Variants in AKR1B1 observed in about 807,000 individuals in gnomAD.
AKR1B1 encodes the protein aldo-keto reductase family 1 member B.
A neutral mutation model predicts 40.4 loss-of-function variants in AKR1B1; 22 were observed. The ratio of observed to expected loss-of-function variants is 0.54; its 90% CI spans 0.39 to 0.78. The LOEUF (loss-of-function observed/expected upper bound fraction) is 0.78. Ranked by LOEUF, AKR1B1 falls within the 30% of genes least tolerant of loss-of-function variation. AKR1B1 has a pLI of 0.00. For synonymous variants in AKR1B1, 157 were observed against 149.9 expected (o/e 1.05, Z -0.35); for missense variants, 357 against 396.7 (o/e 0.90, Z 0.85).
At chr7:134,443,221 G>A (rs1805993549) in intron 9 of AKR1B1, among the ~76,000 whole-genome samples, 1 of 152,170 alleles carries the variant, frequency 6.6e-6, no homozygotes, top group Non-Finnish European at 1.5e-5. Flanking sequence ...ACTAGCCTGG[G>A]CAACATAGCA....
intron 1 of AKR1B1, among the ~76,000 whole-genome samples, chr7:134,455,246 T>G (rs1806432924): frequency 6.6e-6 from 1 of 152,198 alleles, no homozygotes. Flanking sequence ...GAACAGCTTG[T>G]GACCCTCTAG....
intron 3 of AKR1B1, 42 bp downstream of exon 3, chr7:134,450,744 C>G (rs1242557301): frequency 6.6e-7 from 1 of 1,516,752 alleles, no homozygotes; most frequent in Admixed American, 1.7e-5. Context: ...ACAGGTTGCA[C>G]CTGAGCCCCA....
At position 134,447,326 on chromosome 7, in the gene AKR1B1, G is replaced by A; in HGVS notation, c.797C>T (p.Thr266Ile). ...AAAGTTCTCAGCAATGCGTTCTGGTGTCACAGACTTGGGGATCACCACCAA... is the reference window on the plus strand; with the variant it reads ...AAAGTTCTCAGCAATGCGTTCTGGTATCACAGACTTGGGGATCACCACCAA... ...RNLVVIPKSV[T>I]PERIAENFKV... Residue 266 changes from threonine (T) to isoleucine (I), a missense_variant, in exon 8 of 10, where the codon ACA (threonine) becomes ATA (isoleucine). Transcript: ENST00000285930. 1.9e-6 allele frequency: 3 copies of A among 1,614,138 alleles called. No homozygotes were observed. Among genetic ancestry groups the A allele is most frequent in the Non-Finnish European group, 1.7e-6 (2 of 1,180,014 alleles).
intron 1 of AKR1B1, among the ~76,000 whole-genome samples, chr7:134,455,672 CT>C (rs759299277): frequency 6.6e-6 from 1 of 151,964 alleles, no homozygotes; most frequent in Non-Finnish European, 1.5e-5. Context: ...CAACCTCTAC[CT>C]TCTGGATTCA....
Position 134,449,243 on chromosome 7 carries a change from A to G in AKR1B1, c.430-124T>C, listed in dbSNP as rs1806203249. ...TCAGTGCCAGTGAATTAGACCTTTCAGAAGCTAAGAGACAGTGAGACGAAA... is the reference window on the plus strand; with the variant it reads ...TCAGTGCCAGTGAATTAGACCTTTCGGAAGCTAAGAGACAGTGAGACGAAA... On this transcript the variant is annotated intron_variant, in intron 4 of 9. Transcript: ENST00000285930. 5.9e-6 allele frequency: 8 copies of G among 1,362,460 alleles called. No individual in the cohort carries two copies. The African/African-American group carries it at 7.1e-5, about 12-fold the overall frequency. 84.4% of individuals were successfully genotyped at this position (1,362,460 alleles called of 1,614,324 possible).
In AKR1B1 at chr7:134,445,278, G is replaced by A; in HGVS notation, c.868C>T (p.Leu290Phe). ...ACCCTCCAGTTCCTGTTGTAGCTGA[G>A]TAAGGTGGTCATATCCTGGCTGCTC... ...ELSSQDMTTL[L>F]SYNRNWRVCA... The change falls in exon 9 of 10, where the codon CTC (leucine) becomes TTC (phenylalanine). Residue 290 changes from leucine to phenylalanine, a missense_variant. Transcript: ENST00000285930. 1 of 1,613,100 alleles carries A rather than the reference G, an allele frequency of 6.2e-7. No individual in the cohort carries two copies.
rs561599695 is a variant in AKR1B1 at position 134,457,766 on chromosome 7, G to A, written c.66+1231C>T. 3.7e-4 allele frequency among the ~76,000 whole-genome samples: 56 copies of A among 152,228 alleles called. No individual in the cohort carries two copies. In the South Asian group the frequency reaches 5.4e-3, roughly 15 times the overall value. On this transcript the variant is annotated intron_variant, in intron 1 of 9. Transcript: ENST00000285930. ...GTTCACACCTGTAGCTTTGGGAGGC[G>A]AGGTGGGAGGAGCGCTTTGAGCCCA...
chr7:134,455,212 C>T (rs891336541), intron 1 of AKR1B1, among the ~76,000 whole-genome samples: 3 of 151,954 alleles, frequency 2.0e-5, no homozygotes, highest in African/African-American at 7.2e-5. Context: ...TTCTCTGGGG[C>T]AAAAAAACCC....
chr7:134,456,053 C>A lies in AKR1B1; in HGVS notation c.66+2944G>T, dbSNP rs115007169. 3.1e-3 allele frequency among the ~76,000 whole-genome samples: 467 copies of A among 152,314 alleles called. 4 individuals carry two copies. The highest frequency in any genetic ancestry group is 0.011 in the African/African-American group (446 of 41,568). On this transcript the variant is annotated intron_variant, in intron 1 of 9. Transcript: ENST00000285930. ...TGAGGGTCTGAAAGGTACAACACAG[C>A]CGCTACGGCATGGGAAGACCCAGGA...
At chr7:134,454,991 CT>C (rs1480971380) in intron 1 of AKR1B1, among the ~76,000 whole-genome samples, 1 of 152,142 alleles carries the variant, frequency 6.6e-6, no homozygotes, top group Non-Finnish European at 1.5e-5. Context: ...GAGATGGGGG[CT>C]TTAGAGACAC....
intron 7 of AKR1B1, 143 bp from the exon 8 acceptor site, chr7:134,447,524 A>G: frequency 2.7e-6 from 2 of 753,942 alleles, no homozygotes; most frequent in African/African-American, 1.7e-5. Context: ...GTCAGGTCAC[A>G]GCTAGCAACA....
At chr7:134,449,159 A>G in intron 4 of AKR1B1, 40 bp from the exon 5 acceptor site, 1 of 1,611,452 alleles carries the variant, frequency 6.2e-7, no homozygotes, top group African/African-American at 1.3e-5. Context: ...AAACGAACCC[A>G]GAAAGGACAG....
chr7:134,448,079 G>A lies in AKR1B1; in HGVS notation c.660-18C>T, dbSNP rs1344693935. ...GCTTGGCCCTGAGGATAGAAAGACA[G>A]TCCAGGTCACACCATCATGGCCACC... On this transcript the variant is annotated intron_variant, in intron 6 of 9. Coordinates refer to ENST00000285930, the MANE Select transcript of AKR1B1 (RefSeq NM_001628.4). The A allele has an allele frequency of 1.2e-6, 2 of 1,600,672 alleles. No homozygotes were observed. Among genetic ancestry groups the A allele is most frequent in the African/African-American group, 2.7e-5 (2 of 74,584 alleles).
In AKR1B1 at chr7:134,442,704, G is replaced by T. The variant is rs760577936; in HGVS notation, c.*24C>A. 2.5e-6 allele frequency: 4 copies of T among 1,613,026 alleles called. No homozygotes were observed. Among genetic ancestry groups the T allele is most frequent in the Non-Finnish European group, 3.4e-6 (4 of 1,179,082 alleles). ...CAAGAAACACAGGTATAGGTCACTT[G>T]GGGACGAGCAGGCAACCACAGCTTC... On this transcript the variant is annotated 3_prime_UTR_variant, in exon 10 of 10. Coordinates refer to ENST00000285930, the MANE Select transcript of AKR1B1 (RefSeq NM_001628.4).
chr7:134,449,401 A>G (rs1489751730), intron 4 of AKR1B1: 14 of 562,836 alleles, frequency 2.5e-5, no homozygotes, highest in Admixed American at 1.5e-4. Flanking sequence ...CCTGGCTAAC[A>G]CGGTGAAACC....
chr7:134,455,953 A>G (rs557368582), intron 1 of AKR1B1, among the ~76,000 whole-genome samples: 1 of 152,318 alleles, frequency 6.6e-6, no homozygotes, highest in East Asian at 1.9e-4. Flanking sequence ...TGGTCTCCCC[A>G]TCTGCCTGAA....
In AKR1B1 at chr7:134,459,058, G is replaced by T. The variant is rs776171717; in HGVS notation, c.5C>A (p.Ala2Glu). 2 of 1,603,642 alleles carry T rather than the reference G, an allele frequency of 1.2e-6. No homozygotes were observed. Among genetic ancestry groups the T allele is most frequent in the African/African-American group, 1.3e-5 (1 of 74,742 alleles). The part of the protein sequence containing the change: M[A>E]SRLLLNNGAK... ...GCCGTTGTTGAGCAGGAGACGGCTTGCCATGGCTGCTGCGCTCCCCAGACC... is the reference window on the plus strand; with the variant it reads ...GCCGTTGTTGAGCAGGAGACGGCTTTCCATGGCTGCTGCGCTCCCCAGACC... The change falls in exon 1 of 10, where the codon GCA becomes GAA. Residue 2 changes from alanine (A) to glutamate (E), a missense_variant. Coordinates refer to ENST00000285930, the MANE Select transcript of AKR1B1 (RefSeq NM_001628.4).
At chr7:134,447,443 GTC>G in intron 7 of AKR1B1, 62 bp from the exon 8 acceptor site, 1 of 1,388,312 alleles carries the variant, frequency 7.2e-7, no homozygotes, top group East Asian at 2.3e-5. Context: ...CATCATCTCA[GTC>G]TCTCACACAC....
Position 134,447,963 on chromosome 7 carries a change from A to C in AKR1B1, c.741+17T>G. 1 of 1,606,946 alleles carries C rather than the reference A, an allele frequency of 6.2e-7. No individual in the cohort carries two copies. Among genetic ancestry groups the C allele is most frequent in the Non-Finnish European group, 8.5e-7 (1 of 1,176,536 alleles). ...CAGGCAGTTGTGGACGGTCAGCAAC[A>C]CCTGAAGTGGCTGTACCTGGGCTGT... is the stretch of plus-strand genomic sequence containing the variant. On this transcript the variant is annotated intron_variant, in intron 7 of 9. Coordinates refer to ENST00000285930, the MANE Select transcript of AKR1B1 (RefSeq NM_001628.4).
Sources: gnomAD v4.1 joint callset for allele counts (sites outside exome capture counted in the v4.1 genomes callset) on GRCh38, gnomAD v4.1.1 for gene constraint, MANE v1.5 for transcripts, NCBI Gene and HGNC (gene_info 2026-07-23, HGNC 2026-07-21) for gene names.